Variants in MAP7D3 observed in about 807,000 individuals in gnomAD.
MAP7D3 encodes the protein MAP7 domain containing 3.
Under a neutral mutation model 62.2 loss-of-function variants are expected in MAP7D3, and 45 were observed. The ratio of observed to expected loss-of-function variants is 0.72; its 90% CI spans 0.57 to 0.93. MAP7D3 has a LOEUF of 0.93. MAP7D3 is among the 40% of genes least tolerant of loss of function. The probability of loss-of-function intolerance (pLI) is 0.00; values close to 1 mark genes in which losing one functional copy is unlikely to be tolerated. For missense variants in MAP7D3, 711 were observed against 683.1 expected (o/e 1.04, Z -0.45); for synonymous variants, 288 against 248.8 (o/e 1.16, Z -1.48).
chrX:136,231,865 C>T lies in MAP7D3; in HGVS notation c.1092G>A (p.Leu364=). 1 of 1,211,633 alleles carries T rather than the reference C, an allele frequency of 8.3e-7. No individual in the cohort carries two copies. The highest frequency in any genetic ancestry group is 1.1e-6 in the Non-Finnish European group (1 of 895,447). ...SEMSMDASPE[L]SIEALPKVDL... ...CCACCTTCGGGAGTGCTTCTATGCT[C>T]AACTCGGGGGATGCGTCCATGCTCA... The change falls in exon 8 of 19, where the codon TTG becomes TTA. Residue 364 remains leucine (L), a synonymous_variant. Transcript: ENST00000316077.
chrX:136,240,258 T>C (rs2074373938), intron 6 of MAP7D3, 124 bp downstream of exon 6: 7 of 410,796 alleles, frequency 1.7e-5, no homozygotes, highest in Non-Finnish European at 2.5e-5. Context: ...TGCTGTAAAA[T>C]AACATGGGAC....
chrX:136,237,887 C>A (rs1452126718), intron 6 of MAP7D3, among the ~76,000 whole-genome samples: 1 of 107,810 alleles, frequency 9.3e-6, no homozygotes, highest in Admixed American at 1.0e-4. Flanking sequence ...CCCCACACCC[C>A]ACAACAGGCC....
At chrX:136,233,707 T>C (rs1287822433) in intron 7 of MAP7D3, among the ~76,000 whole-genome samples, 1 of 98,449 alleles carries the variant, frequency 1.0e-5, no homozygotes, top group Non-Finnish European at 2.0e-5. Flanking sequence ...TAAGTATGGG[T>C]GGCAAATTTT....
chrX:136,246,199 G>A, intron 2 of MAP7D3, 44 bp downstream of exon 2: 2 of 1,124,612 alleles, frequency 1.8e-6, no homozygotes, highest in Non-Finnish European at 2.4e-6. Context: ...AAATTTTAAA[G>A]ATATGACACT....
intron 1 of MAP7D3, among the ~76,000 whole-genome samples, chrX:136,247,221 T>A (rs1051445546): frequency 8.9e-6 from 1 of 112,228 alleles, no homozygotes; most frequent in Non-Finnish European, 1.9e-5. Flanking sequence ...AATTCCAGGA[T>A]GACACACATG....
chrX:136,246,887 G>A (rs2148422666), intron 1 of MAP7D3, among the ~76,000 whole-genome samples: 1 of 111,940 alleles, frequency 8.9e-6, no homozygotes, highest in South Asian at 3.8e-4. Context: ...TATCCTGGTT[G>A]CACACTGGAA....
chrX:136,251,612 C>T (rs889612256), upstream of MAP7D3: 4 of 779,260 alleles, frequency 5.1e-6, no homozygotes, highest in African/African-American at 9.0e-5. Context: ...CGTGCTCTGC[C>T]CCTACTGCAT....
intron 1 of MAP7D3, among the ~76,000 whole-genome samples, chrX:136,250,413 ACCAAGCAATGTG>A (rs2074491791): frequency 8.9e-6 from 1 of 111,906 alleles, no homozygotes; most frequent in Admixed American, 9.4e-5. Context: ...AGTCTCCTGG[ACCAAGCAATGTG>A]CTGTCAAATT....
chrX:136,229,995 T>TATATA (rs1569531772), intron 10 of MAP7D3, among the ~76,000 whole-genome samples: 2 of 75,898 alleles, frequency 2.6e-5, no homozygotes, highest in African/African-American at 1.0e-4. Context: ...ATATATATAT[T>TATATA]TTTTTTTTTT....
chrX:136,226,172 A>C (rs186696995), intron 12 of MAP7D3, among the ~76,000 whole-genome samples, 159 bp from the exon 13 acceptor site: 1 of 110,896 alleles, frequency 9.0e-6, no homozygotes, highest in Admixed American at 9.7e-5. Context: ...GCGGATTGTC[A>C]ATTTTCAAAG....
intron 7 of MAP7D3, among the ~76,000 whole-genome samples, chrX:136,235,018 A>G (rs767785028): frequency 1.1e-3 from 125 of 112,199 alleles, no homozygotes; most frequent in South Asian, 2.6e-3. Context: ...TCCTCAGAAT[A>G]AAAGGAGAAA....
At chrX:136,223,069 T>C (rs773982391) in intron 14 of MAP7D3, among the ~76,000 whole-genome samples, 20 of 111,344 alleles carry the variant, frequency 1.8e-4, no homozygotes, top group African/African-American at 6.2e-4. Flanking sequence ...CTTGAGCTCC[T>C]GGGCTCAAGA....
In MAP7D3 at chrX:136,244,704, C is replaced by T; in HGVS notation, c.345G>A (p.Glu115=). The change falls in exon 4 of 19, where the codon GAG becomes GAA. Residue 115 remains glutamate, a synonymous_variant. Transcript: ENST00000316077. ...TCCGTTGTTCTTCTTTCTCTTTTCGCTCCTTCAGCTTTCTCTGTCTTTCCT... is the reference window on the plus strand; with the variant it reads ...TCCGTTGTTCTTCTTTCTCTTTTCGTTCCTTCAGCTTTCTCTGTCTTTCCT... ...QMEERQRKLK[E]RKEKEEQRRI... 8.3e-7 allele frequency: 1 copy of T among 1,206,995 alleles called. No homozygotes were observed. The highest frequency in any genetic ancestry group is 1.1e-6 in the Non-Finnish European group (1 of 891,410).
chrX:136,240,428 T>C lies in MAP7D3; in HGVS notation c.594A>G (p.Arg198=), dbSNP rs2074376160. The part of the protein sequence containing the change: ...KLEQGTSALI[R]QMPLSSAGLQ... ...GGCCTGCAGATGACAAAGGCATTTG[T>C]CTGATTAAAGCAGAAGTACCCTGTT... Residue 198 remains arginine (R), a synonymous_variant, in exon 6 of 19, where the codon AGA becomes AGG. Transcript: ENST00000316077. The C allele has an allele frequency of 1.7e-6, 2 of 1,206,943 alleles. No individual in the cohort carries two copies. Among genetic ancestry groups the C allele is most frequent in the Admixed American group, 4.4e-5 (2 of 45,684 alleles).
upstream of MAP7D3, among the ~76,000 whole-genome samples, chrX:136,254,965 C>T (rs1455387134): frequency 8.9e-6 from 1 of 112,299 alleles, no homozygotes; most frequent in African/African-American, 3.2e-5. Context: ...CCTGTAATCC[C>T]AGCACTTTGG....
rs377428574 is a variant in MAP7D3 at position 136,230,576 on chromosome X, T to C, written c.1559A>G (p.Asn520Ser). Residue 520 changes from asparagine (N) to serine (S), a missense_variant, in exon 10 of 19, where the codon AAC (asparagine) becomes AGC (serine). Physicochemically the swap from Asn to Ser is conservative, Grantham distance 46. Transcript: ENST00000316077. ...AAGTGGTAATGGTGATGGAGGGCAGTTCTTTTGGATTTGCCTGCTGAGAAA... is the reference window on the plus strand; with the variant it reads ...AAGTGGTAATGGTGATGGAGGGCAGCTCTTTTGGATTTGCCTGCTGAGAAA... ...PISTNRQIQK[N>S]CPPSPLPLIS... The C allele has an allele frequency of 8.5e-6, 10 of 1,180,048 alleles. No individual in the cohort carries two copies. The highest frequency in any genetic ancestry group is 1.8e-5 in the African/African-American group (1 of 56,526).
chrX:136,218,490 A>C lies in MAP7D3; in HGVS notation c.*36T>G, dbSNP rs1317166896. The C allele has an allele frequency of 9.0e-6, 1 of 111,721 alleles. No homozygotes were observed. Among genetic ancestry groups the C allele is most frequent in the Non-Finnish European group, 1.9e-5 (1 of 53,099 alleles). The allele number at this position is 111,721 out of a possible 1,213,427, so 9.2% of individuals were successfully genotyped here. On this transcript the variant is annotated 3_prime_UTR_variant, in exon 19 of 19. Coordinates refer to ENST00000316077, the MANE Select transcript of MAP7D3 (RefSeq NM_024597.4). ...ATCTCCCAGGCTGAGTAAGGTTTAC[A>C]TATCTGACCAGAGGGAAAAGTAAAA...
downstream of MAP7D3, chrX:136,214,788 C>G (rs1603275521): frequency 8.9e-6 from 1 of 112,453 alleles, no homozygotes; most frequent in African/African-American, 3.2e-5. Context: ...TCTGCAGAAT[C>G]TGCTGGTAGA....
chrX:136,220,713 G>A, intron 16 of MAP7D3, 52 bp downstream of exon 16: 1 of 981,350 alleles, frequency 1.0e-6, no homozygotes, highest in Non-Finnish European at 1.4e-6. Flanking sequence ...TTCTAAGATT[G>A]TCAATCATAA....
Sources: allele counts gnomAD v4.1 joint callset (sites outside exome capture counted in the v4.1 genomes callset), GRCh38; gene constraint gnomAD v4.1.1; transcripts MANE v1.5; gene names NCBI Gene and HGNC (gene_info 2026-07-23, HGNC 2026-07-21).